The following KCNH6 variants were observed in gnomAD, a reference collection of about 807,000 sequenced individuals.
KCNH6 encodes the protein potassium voltage-gated channel subfamily H member 6, also known as voltage-gated inwardly rectifying potassium channel KCNH6.
Under a neutral mutation model 83.4 loss-of-function variants are expected in KCNH6, and 81 were observed. The ratio of observed to expected loss-of-function variants is 0.97; its 90% CI spans 0.81 to 1.17. The LOEUF is 1.17. Ranked by LOEUF, KCNH6 falls within the 50% of genes most tolerant of loss-of-function variation. The pLI is 0.00. For missense variants in KCNH6, 1,203 were observed against 1,290.5 expected (o/e 0.93, Z 1.04); for synonymous variants, 503 against 545.6 (o/e 0.92, Z 1.09).
chr17:63,530,031 G>C, intron 2 of KCNH6, 60 bp from the exon 3 acceptor site: 1 of 1,574,732 alleles, frequency 6.4e-7, no homozygotes, highest in Non-Finnish European at 8.7e-7. Flanking sequence ...CCCTAGCCAG[G>C]CCACTGCAGG....
In KCNH6 at chr17:63,533,889, C is replaced by A; in HGVS notation, c.679C>A (p.Leu227Met). ...QNVTEKVTQVLSLGADVLPEY... is the reference protein window; with the variant it reads ...QNVTEKVTQVMSLGADVLPEY... ...CTCCCTCGGCCCCCACCCCCAGGTC[C>A]TGTCCCTGGGCGCGGATGTGCTGCC... The change falls in exon 5 of 13, where the codon CTG becomes ATG. Residue 227 changes from leucine (L) to methionine (M), a missense_variant. Leu to Met is a conservative substitution (Grantham distance 15, BLOSUM62 2). Transcript: ENST00000314672. This position sits in a 1 kb window ranked among gnomAD's most constrained non-coding sequence, Gnocchi z 4.1. 6.2e-7 allele frequency: 1 copy of A among 1,611,932 alleles called. No homozygotes were observed. Among genetic ancestry groups the A allele is most frequent in the Non-Finnish European group, 8.5e-7 (1 of 1,179,028 alleles).
intron 12 of KCNH6, 67 bp from the exon 13 acceptor site, chr17:63,545,542 C>T (rs2033103289): frequency 2.6e-6 from 4 of 1,522,220 alleles, no homozygotes; most frequent in Admixed American, 1.8e-5. Flanking sequence ...TGATCCCATC[C>T]CTGAAATCAG....
rs2032265815 is a variant in KCNH6 at position 63,533,622 on chromosome 17, A to T, written c.676-264A>T. Among the ~76,000 whole-genome samples, 1 of 152,112 alleles carries T rather than the reference A, an allele frequency of 6.6e-6. No individual in the cohort carries two copies. Among genetic ancestry groups the T allele is most frequent in the African/African-American group, 2.4e-5 (1 of 41,416 alleles). ...TTTCCAAGGGAGCTTGTGAGCATCA[A>T]ACCTGGTGTCGCTATGGGGCGGAGC... On this transcript the variant is annotated intron_variant, in intron 4 of 12. Transcript: ENST00000314672. The surrounding 1 kb of genome is among the most constrained non-coding windows in gnomAD (Gnocchi z 4.1).
At position 63,545,218 on chromosome 17, in the gene KCNH6, C is replaced by G. The variant is rs199694023; in HGVS notation, c.2537C>G (p.Thr846Arg). ...LALVPIASETTSPGPRLPQGF... is the reference protein window; with the variant it reads ...LALVPIASETRSPGPRLPQGF... ...TTGGTTCCTATAGCCTCGGAGACGA[C>G]GAGTCCAGGGCCCAGGCTGCCCCAG... The change falls in exon 12 of 13, where the codon ACG (threonine) becomes AGG (arginine). Residue 846 changes from threonine (T) to arginine (R), a missense_variant. Thr to Arg is a moderately conservative substitution (Grantham distance 71). Coordinates refer to ENST00000314672, the MANE Select transcript of KCNH6 (RefSeq NM_001278919.2). 21 of 1,613,736 alleles carry G rather than the reference C, an allele frequency of 1.3e-5. No individual in the cohort carries two copies. The East Asian group carries it at 4.2e-4, about 33-fold the overall frequency.
chr17:63,532,194 C>A (rs1353239132), intron 4 of KCNH6, among the ~76,000 whole-genome samples: 1 of 152,208 alleles, frequency 6.6e-6, no homozygotes, highest in Non-Finnish European at 1.5e-5. Context: ...CACCCCCCAC[C>A]ATTCCTTCTG....
intron 4 of KCNH6, among the ~76,000 whole-genome samples, chr17:63,531,337 C>A (rs561234663): frequency 2.6e-5 from 4 of 152,390 alleles, no homozygotes; most frequent in African/African-American, 9.6e-5. Context: ...CTTTCATCTG[C>A]AGGAGAGAGA....
Position 63,523,536 on chromosome 17 carries a change from T to G in KCNH6, c.76+47T>G. Reference sequence around the variant, plus strand: ...CGGGGGGACGATCTGGAGTCCTGGTTCCGTGAAAGGGGGGGCTGGACCCCT... The same window carrying G: ...CGGGGGGACGATCTGGAGTCCTGGTGCCGTGAAAGGGGGGGCTGGACCCCT... On this transcript the variant is annotated intron_variant, in intron 1 of 12. Coordinates refer to ENST00000314672, the MANE Select transcript of KCNH6 (RefSeq NM_001278919.2). This position sits in a 1 kb window ranked among gnomAD's most constrained non-coding sequence, Gnocchi z 4.2. The G allele has an allele frequency of 2.4e-5, 34 of 1,403,722 alleles. No individual in the cohort carries two copies. Among genetic ancestry groups the G allele is most frequent in the Non-Finnish European group, 3.1e-5 (31 of 1,007,064 alleles). The allele number at this position is 1,403,722 out of a possible 1,614,324, so 87.0% of individuals were successfully genotyped here.
At chr17:63,543,518 CAA>C in intron 9 of KCNH6, 56 bp from the exon 10 acceptor site, 1 of 1,087,488 alleles carries the variant, frequency 9.2e-7, no homozygotes, top group Non-Finnish European at 1.4e-6. Flanking sequence ...CAGGGAAGAA[CAA>C]AGAGGCCCCA....
chr17:63,525,843 A>G (rs1371923698), intron 2 of KCNH6, among the ~76,000 whole-genome samples: 3 of 152,180 alleles, frequency 2.0e-5, no homozygotes, highest in South Asian at 2.1e-4. Flanking sequence ...TCCTCACATC[A>G]TTGCAGAGGA....
At chr17:63,531,154 G>A (rs2032081319) in intron 4 of KCNH6, among the ~76,000 whole-genome samples, 1 of 152,212 alleles carries the variant, frequency 6.6e-6, no homozygotes, top group South Asian at 2.1e-4. Flanking sequence ...GCTTCCCTGG[G>A]TTCTCTGCTC....
chr17:63,544,417 T>A lies in KCNH6; in HGVS notation c.2396+6T>A. ...CTCCAGGCCCAGATGAACAGGTGTG[T>A]GTGCTGTGGTCAGGGCTGGGGGCTG... is the stretch of plus-strand genomic sequence containing the variant. On this transcript the variant is annotated splice_donor_region_variant and intron_variant, in intron 11 of 12. Coordinates refer to ENST00000314672, the MANE Select transcript of KCNH6 (RefSeq NM_001278919.2). 1.3e-6 allele frequency: 2 copies of A among 1,551,730 alleles called. No homozygotes were observed. The highest frequency in any genetic ancestry group is 1.7e-6 in the Non-Finnish European group (2 of 1,150,748).
At chr17:63,542,674 TA>T (rs1274204775) in intron 9 of KCNH6, among the ~76,000 whole-genome samples, 1 of 152,232 alleles carries the variant, frequency 6.6e-6, no homozygotes, top group African/African-American at 2.4e-5. Context: ...ATGGTATTAT[TA>T]TCCCCAATTT....
At chr17:63,539,161 C>A (rs1254843537) in intron 8 of KCNH6, among the ~76,000 whole-genome samples, 1 of 152,136 alleles carries the variant, frequency 6.6e-6, no homozygotes, top group Non-Finnish European at 1.5e-5. Context: ...TGCTGTGTGA[C>A]CTTGGGCAAG....
intron 2 of KCNH6, among the ~76,000 whole-genome samples, chr17:63,529,317 C>T (rs1193934967): frequency 2.0e-5 from 3 of 152,198 alleles, no homozygotes; most frequent in African/African-American, 7.2e-5. Context: ...CATCCTCCTC[C>T]CTCTGTGGTG....
intron 12 of KCNH6, 51 bp from the exon 13 acceptor site, chr17:63,545,558 A>T: frequency 6.4e-7 from 1 of 1,567,196 alleles, no homozygotes; most frequent in Non-Finnish European, 8.7e-7. Flanking sequence ...ATCAGGGTGG[A>T]TTAACCCGCA....
intron 2 of KCNH6, among the ~76,000 whole-genome samples, chr17:63,525,039 A>G (rs949094340): frequency 6.6e-6 from 1 of 152,196 alleles, no homozygotes; most frequent in Admixed American, 6.5e-5. Flanking sequence ...GGAACGAGGA[A>G]AAGAGCCTGA....
At chr17:63,547,697 C>T (rs1231454998), downstream of KCNH6, among the ~76,000 whole-genome samples, 2 of 152,086 alleles carry the variant, frequency 1.3e-5, no homozygotes, top group Non-Finnish European at 2.9e-5. Flanking sequence ...TGCCTGTAAT[C>T]CCAACACTTT....
rs1444823447 is a variant in KCNH6 at position 63,523,708 on chromosome 17, G to A, written c.76+219G>A. Among the ~76,000 whole-genome samples the A allele has an allele frequency of 1.3e-5, 2 of 152,096 alleles. No individual in the cohort carries two copies. The highest frequency in any genetic ancestry group is 4.8e-5 in the African/African-American group (2 of 41,394). On this transcript the variant is annotated intron_variant, in intron 1 of 12. Coordinates refer to ENST00000314672, the MANE Select transcript of KCNH6 (RefSeq NM_001278919.2). The surrounding 1 kb of genome is among the most constrained non-coding windows in gnomAD (Gnocchi z 4.2). ...TCTGGAACACAAGGAGCAGCGTGCA[G>A]GCCTTCCCTCCCTACTGCCAGCTGT...
rs2032358633 is a variant in KCNH6, at chr17:63,534,588, G to A, written c.1101+277G>A. Among the ~76,000 whole-genome samples, 1 of 151,972 alleles carries A rather than the reference G, an allele frequency of 6.6e-6. No individual in the cohort carries two copies. The highest frequency in any genetic ancestry group is 6.6e-5 in the Admixed American group (1 of 15,266). On this transcript the variant is annotated intron_variant, in intron 5 of 12. Coordinates refer to ENST00000314672, the MANE Select transcript of KCNH6 (RefSeq NM_001278919.2). The surrounding 1 kb of genome is among the most constrained non-coding windows in gnomAD (Gnocchi z 5.0). The stretch of plus-strand genomic sequence containing the variant: ...TGCCCCTTCCAGGATGGGCACTCGT[G>A]TGGTCCCGGCCCCTCATGCTGACTT...
Sources: gnomAD v4.1 joint callset for allele counts (sites outside exome capture counted in the v4.1 genomes callset) on GRCh38, gnomAD v4.1.1 for gene constraint, Gnocchi (gnomAD v3.1) non-coding constraint, MANE v1.5 for transcripts, NCBI Gene and HGNC (gene_info 2026-07-23, HGNC 2026-07-21) for gene names.